Variants in PPP2R5E observed in about 807,000 individuals in gnomAD.
PPP2R5E encodes serine/threonine-protein phosphatase 2A 56 kDa regulatory subunit epsilon isoform.
A neutral mutation model predicts 65.3 loss-of-function variants in PPP2R5E; 4 were observed. That is an observed-to-expected ratio of 0.06 (90% CI 0.03 to 0.14). The LOEUF (loss-of-function observed/expected upper bound fraction) is 0.14, where lower values mean the gene tolerates loss of function less well. PPP2R5E is among the 10% of genes least tolerant of loss of function. The pLI is 1.00. For synonymous variants in PPP2R5E, 183 were observed against 187.4 expected (o/e 0.98, Z 0.19); for missense variants, 274 against 556.1 (o/e 0.49, Z 5.10).
At chr14:63,394,130 G>A (rs1433612131) in intron 7 of PPP2R5E, among the ~76,000 whole-genome samples, 1 of 136,178 alleles carries the variant, frequency 7.3e-6, no homozygotes, top group Non-Finnish European at 1.5e-5. Flanking sequence ...TGCCCAGGCT[G>A]GAGTGCAGTG....
At chr14:63,486,371 G>A (rs1477678730) in intron 2 of PPP2R5E, among the ~76,000 whole-genome samples, 1 of 148,664 alleles carries the variant, frequency 6.7e-6, no homozygotes, top group Non-Finnish European at 1.5e-5. Flanking sequence ...TCTTCATGAT[G>A]CTCACAAGTA....
chr14:63,536,269 A>G (rs1409012219), intron 2 of PPP2R5E, among the ~76,000 whole-genome samples: 2 of 152,236 alleles, frequency 1.3e-5, no homozygotes, highest in African/African-American at 4.8e-5. Flanking sequence ...GCCAAAAAGC[A>G]CAGGAAAAGA....
chr14:63,464,333 G>A (rs961070694), intron 2 of PPP2R5E, among the ~76,000 whole-genome samples: 33 of 152,326 alleles, frequency 2.2e-4, no homozygotes, highest in Middle Eastern at 3.4e-3. Flanking sequence ...TGGGGTTGAA[G>A]GGTACAATGT....
chr14:63,373,436 C>G lies in PPP2R5E; in HGVS notation c.*2573G>C, dbSNP rs1166212164. ...GAAATATGTCACATAGTGCAACAGT[C>G]AGATTACCTCAGTTACTCTGCGTCA... On this transcript the variant is annotated 3_prime_UTR_variant, in exon 14 of 14. Transcript: ENST00000337537. 4 of 152,178 alleles carry G rather than the reference C, an allele frequency of 2.6e-5. No homozygotes were observed. Among genetic ancestry groups the G allele is most frequent in the African/African-American group, 9.7e-5 (4 of 41,446 alleles). The allele number at this position is 152,178 out of a possible 1,614,324, so 9.4% of individuals were successfully genotyped here.
At chr14:63,500,187 G>A (rs1263071244) in intron 2 of PPP2R5E, among the ~76,000 whole-genome samples, 4 of 152,136 alleles carry the variant, frequency 2.6e-5, no homozygotes, top group African/African-American at 9.7e-5. Context: ...GAAAGTCTAT[G>A]AGAAATAAAT....
chr14:63,510,600 T>G (rs74056136), intron 2 of PPP2R5E, among the ~76,000 whole-genome samples: 2,553 of 152,256 alleles, frequency 0.017, 80 homozygotes, highest in African/African-American at 0.058. Context: ...ACACGCTGAG[T>G]ATCCGGTAGA....
chr14:63,410,083 G>A (rs1212772633), intron 5 of PPP2R5E, among the ~76,000 whole-genome samples: 1 of 152,160 alleles, frequency 6.6e-6, no homozygotes, highest in South Asian at 2.1e-4. Flanking sequence ...AGGAATGACA[G>A]TCAGAAGACT....
At chr14:63,424,682 C>T (rs527548073) in intron 3 of PPP2R5E, among the ~76,000 whole-genome samples, 1 of 145,754 alleles carries the variant, frequency 6.9e-6, no homozygotes, top group East Asian at 2.0e-4. Context: ...ACCCGGGAGG[C>T]GGAGCTTGCA....
intron 3 of PPP2R5E, among the ~76,000 whole-genome samples, chr14:63,430,397 A>G (rs112114914): frequency 0.073 from 9,981 of 136,520 alleles, 368 homozygotes; most frequent in African/African-American, 0.12. Flanking sequence ...ATACATACAT[A>G]CATGCATACA....
intron 2 of PPP2R5E, among the ~76,000 whole-genome samples, chr14:63,529,878 T>C (rs1161300593): frequency 1.3e-5 from 2 of 152,210 alleles, no homozygotes; most frequent in Non-Finnish European, 2.9e-5. Flanking sequence ...GGTTACATCC[T>C]GGACGGACGC....
chr14:63,524,982 CCACAA>C (rs1416008462), intron 2 of PPP2R5E, among the ~76,000 whole-genome samples: 1 of 152,222 alleles, frequency 6.6e-6, no homozygotes, highest in Non-Finnish European at 1.5e-5. Context: ...TGACTAACGG[CCACAA>C]CAAGGAAGTT....
At chr14:63,487,689 C>T (rs183372580) in intron 2 of PPP2R5E, among the ~76,000 whole-genome samples, 13 of 152,278 alleles carry the variant, frequency 8.5e-5, no homozygotes, top group Admixed American at 7.2e-4. Context: ...CATCTTTAAA[C>T]CCAGTAATAA....
chr14:63,424,672 A>G (rs1887232826), intron 3 of PPP2R5E, among the ~76,000 whole-genome samples: 1 of 150,794 alleles, frequency 6.6e-6, no homozygotes, highest in African/African-American at 2.4e-5. Flanking sequence ...AATGGCGTGA[A>G]CCCGGGAGGC....
chr14:63,374,543 G>A lies in PPP2R5E; in HGVS notation c.*1466C>T, dbSNP rs1594801182. ...AGTACGTAATAATGCAACTGCATTAGGTAAGTACATACTGTACACAAATTT... is the reference window on the plus strand; with the variant it reads ...AGTACGTAATAATGCAACTGCATTAAGTAAGTACATACTGTACACAAATTT... On this transcript the variant is annotated 3_prime_UTR_variant, in exon 14 of 14. Coordinates refer to ENST00000337537, the MANE Select transcript of PPP2R5E (RefSeq NM_006246.5). 1 of 149,642 alleles carries A rather than the reference G, an allele frequency of 6.7e-6. No individual in the cohort carries two copies. Among genetic ancestry groups the A allele is most frequent in the South Asian group, 2.1e-4 (1 of 4,796 alleles). 9.3% of individuals were successfully genotyped at this position (149,642 alleles called of 1,614,324 possible).
In PPP2R5E at chr14:63,538,028, C is replaced by T. The variant is rs530032707; in HGVS notation, c.157+1501G>A. On this transcript the variant is annotated intron_variant, in intron 2 of 13. Coordinates refer to ENST00000337537, the MANE Select transcript of PPP2R5E (RefSeq NM_006246.5). Reference sequence around the variant, plus strand: ...TCTTCATATTAAAAACGTGTTGGGCCGGGCATGGTGGCTCACGCCTAAATC... The same window carrying T: ...TCTTCATATTAAAAACGTGTTGGGCTGGGCATGGTGGCTCACGCCTAAATC... Among the ~76,000 whole-genome samples the T allele has an allele frequency of 1.8e-4, 27 of 152,282 alleles. No homozygotes were observed. The South Asian group carries it at 4.1e-3, about 23-fold the overall frequency.
intron 5 of PPP2R5E, among the ~76,000 whole-genome samples, chr14:63,410,532 C>G (rs965233771): frequency 6.6e-6 from 1 of 151,992 alleles, no homozygotes; most frequent in Admixed American, 6.6e-5. Flanking sequence ...TCCCTCAAGC[C>G]CCAAAGGCCC....
intron 2 of PPP2R5E, among the ~76,000 whole-genome samples, chr14:63,530,679 A>G (rs752296459): frequency 8.4e-6 from 1 of 119,322 alleles, no homozygotes; most frequent in Non-Finnish European, 1.6e-5. Context: ...TCTGTCACCC[A>G]GGCTGGAGTG....
intron 2 of PPP2R5E, among the ~76,000 whole-genome samples, chr14:63,482,327 C>T (rs540492646): frequency 4.7e-4 from 72 of 152,158 alleles, no homozygotes; most frequent in Non-Finnish European, 5.3e-4. Flanking sequence ...GGCATGGTGG[C>T]GCGTGCTTGT....
At chr14:63,520,296 A>C (rs1892845322) in intron 2 of PPP2R5E, among the ~76,000 whole-genome samples, 1 of 152,048 alleles carries the variant, frequency 6.6e-6, no homozygotes, top group African/African-American at 2.4e-5. Flanking sequence ...CGGCCTCCCA[A>C]AGTGCTGGGA....
Sources: gnomAD v4.1 joint callset for allele counts (sites outside exome capture counted in the v4.1 genomes callset) on GRCh38, gnomAD v4.1.1 for gene constraint, MANE v1.5 for transcripts, NCBI Gene and HGNC (gene_info 2026-07-23, HGNC 2026-07-21) for gene names.